The following NELL1 variants were observed in gnomAD, a reference collection of about 807,000 sequenced individuals.
The protein encoded by NELL1 is neural EGFL like 1.
In NELL1, 76 loss-of-function variants were observed where a neutral mutation model predicts 107.4. The observed-to-expected ratio is 0.71, with a 90% CI of 0.59 to 0.86. The LOEUF is 0.86. NELL1 is among the 40% of genes least tolerant of loss of function. The pLI is 0.00. For missense variants in NELL1, 1,024 were observed against 1,005.5 expected, an observed-to-expected ratio of 1.02 and a Z score of -0.25; for synonymous variants, 353 against 341.2, an observed-to-expected ratio of 1.03 and a Z score of -0.38.
chr11:20,702,493 C>G (rs1854820072), intron 2 of NELL1, among the ~76,000 whole-genome samples: 1 of 152,050 alleles, frequency 6.6e-6, no homozygotes, highest in South Asian at 2.1e-4. Flanking sequence ...TAACTGAATA[C>G]CCTTTATTTC....
intron 14 of NELL1, among the ~76,000 whole-genome samples, chr11:21,266,576 C>T (rs1243349389): frequency 6.6e-6 from 1 of 152,096 alleles, no homozygotes; most frequent in Non-Finnish European, 1.5e-5. Context: ...CTTCTCTTGG[C>T]TTCTGTGACA....
chr11:20,848,455 G>A (rs372154957), intron 4 of NELL1, among the ~76,000 whole-genome samples: 35 of 152,230 alleles, frequency 2.3e-4, no homozygotes, highest in Middle Eastern at 3.4e-3. Flanking sequence ...ATCATTTATG[G>A]CTGGACAGCT....
intron 15 of NELL1, among the ~76,000 whole-genome samples, chr11:21,433,359 T>A (rs1853018525): frequency 6.6e-6 from 1 of 152,230 alleles, no homozygotes; most frequent in African/African-American, 2.4e-5. Context: ...GGTATCTCTT[T>A]GTTATAATGA....
At chr11:21,501,952 C>A (rs1590984748) in intron 15 of NELL1, among the ~76,000 whole-genome samples, 1 of 152,282 alleles carries the variant, frequency 6.6e-6, no homozygotes, top group African/African-American at 2.4e-5. Context: ...CAAAGCTCAT[C>A]TATACTTCTG....
intron 16 of NELL1, among the ~76,000 whole-genome samples, chr11:21,538,115 T>TA (rs1341578166): frequency 7.2e-5 from 11 of 152,066 alleles, no homozygotes; most frequent in Non-Finnish European, 1.5e-4. Flanking sequence ...AAATAACCCT[T>TA]ACAATTTTTT....
intron 12 of NELL1, among the ~76,000 whole-genome samples, chr11:20,976,170 C>G (rs1425646106): frequency 9.4e-6 from 1 of 106,934 alleles, no homozygotes; most frequent in Non-Finnish European, 1.9e-5. Flanking sequence ...CACATTATAT[C>G]TGTACATATA....
At chr11:21,449,751 G>A (rs921624319) in intron 15 of NELL1, among the ~76,000 whole-genome samples, 2 of 152,178 alleles carry the variant, frequency 1.3e-5, no homozygotes, top group African/African-American at 4.8e-5. Flanking sequence ...GATCAAAGAT[G>A]TTTTATTGTT....
At chr11:21,447,115 C>G (rs1486970375) in intron 15 of NELL1, among the ~76,000 whole-genome samples, 1 of 143,340 alleles carries the variant, frequency 7.0e-6, no homozygotes, top group Non-Finnish European at 1.5e-5. Context: ...GACCCAAGGG[C>G]TCTTCAGTCA....
intron 15 of NELL1, among the ~76,000 whole-genome samples, chr11:21,383,399 A>G (rs1229272639): frequency 6.6e-6 from 1 of 152,008 alleles, no homozygotes; most frequent in East Asian, 2.0e-4. Context: ...AGATTATTTT[A>G]TTAAAGAATA....
At chr11:21,441,622 G>C (rs540092643) in intron 15 of NELL1, among the ~76,000 whole-genome samples, 23 of 151,920 alleles carry the variant, frequency 1.5e-4, no homozygotes, top group African/African-American at 5.3e-4. Flanking sequence ...CTAAAATGCA[G>C]GTAAAGGTAC....
chr11:21,142,388 C>T (rs1322795034), intron 13 of NELL1, among the ~76,000 whole-genome samples: 1 of 152,232 alleles, frequency 6.6e-6, no homozygotes, highest in Non-Finnish European at 1.5e-5. Context: ...ACTAGATCCA[C>T]ATTTCTCAAA....
At chr11:21,030,042 C>T (rs1445805894) in intron 12 of NELL1, among the ~76,000 whole-genome samples, 1 of 152,168 alleles carries the variant, frequency 6.6e-6, no homozygotes, top group East Asian at 1.9e-4. Flanking sequence ...GGAAGCTCAT[C>T]ACGATATATT....
At chr11:21,068,032 C>CAAAAAAA (rs1195285619) in intron 12 of NELL1, among the ~76,000 whole-genome samples, 3,827 of 40,368 alleles carry the variant, frequency 0.095, 947 homozygotes, top group East Asian at 0.22. Context: ...GATGCCATCT[C>CAAAAAAA]AAAAAAAAAA....
intron 10 of NELL1, among the ~76,000 whole-genome samples, chr11:20,939,530 A>C (rs1850804213): frequency 6.6e-6 from 1 of 152,146 alleles, no homozygotes; most frequent in Non-Finnish European, 1.5e-5. Flanking sequence ...GTTTGGAGAA[A>C]GGACATATGA....
chr11:21,133,958 A>G (rs979703390), intron 13 of NELL1, among the ~76,000 whole-genome samples: 2 of 152,236 alleles, frequency 1.3e-5, no homozygotes, highest in African/African-American at 4.8e-5. Context: ...ACGTAGCCCC[A>G]GCCATGCCTC....
At chr11:21,555,783 T>C (rs79236084) in intron 16 of NELL1, among the ~76,000 whole-genome samples, 3,450 of 152,014 alleles carry the variant, frequency 0.023, 143 homozygotes, top group African/African-American at 0.079. Flanking sequence ...CTGAACATCC[T>C]GTGTTTTGCC....
intron 2 of NELL1, among the ~76,000 whole-genome samples, chr11:20,691,236 A>C (rs370099338): frequency 0.2 from 30,452 of 150,890 alleles, 3,358 homozygotes; most frequent in African/African-American, 0.27. Context: ...CAAACAGGGA[A>C]AATTTGACTT....
chr11:21,324,153 A>G lies in NELL1; in HGVS notation c.1550-46700A>G, dbSNP rs566991136. Among the ~76,000 whole-genome samples the G allele has an allele frequency of 6.3e-4, 96 of 152,140 alleles. 1 individual carries two copies. Among genetic ancestry groups the G allele is most frequent in the African/African-American group, 2.2e-3 (93 of 41,528 alleles). On this transcript the variant is annotated intron_variant, in intron 14 of 19. Coordinates refer to ENST00000357134, the MANE Select transcript of NELL1 (RefSeq NM_006157.5). ...GCTAGCATTGTTTTATTTTTTCCTC[A>G]CTGCAACCCTATGAGACAGTCATTA...
intron 3 of NELL1, among the ~76,000 whole-genome samples, chr11:20,786,837 T>C (rs189260596): frequency 0.027 from 4,042 of 151,056 alleles, 79 homozygotes; most frequent in Middle Eastern, 0.048. Context: ...TGAAACCCCG[T>C]CTCTACTAAA....
Sources: allele counts gnomAD v4.1 joint callset (sites outside exome capture counted in the v4.1 genomes callset), GRCh38; gene constraint gnomAD v4.1.1; transcripts MANE v1.5; gene names NCBI Gene and HGNC (gene_info 2026-07-23, HGNC 2026-07-21).